Variants in ITPKB observed in about 807,000 individuals in gnomAD.
ITPKB encodes the protein IP3 3-kinase B.
A neutral mutation model predicts 69.4 loss-of-function variants in ITPKB; 13 were observed. The ratio of observed to expected loss-of-function variants is 0.19; its 90% confidence interval spans 0.12 to 0.30. The LOEUF is 0.30. ITPKB is among the 10% of genes least tolerant of loss of function. The pLI is 1.00. For missense variants in ITPKB, 1,240 were observed against 1,250.5 expected (o/e 0.99, Z 0.13); for synonymous variants, 584 against 513.7 (o/e 1.14, Z -1.85).
chr1:226,722,097 G>A (rs1657261493), intron 2 of ITPKB, among the ~76,000 whole-genome samples: 1 of 152,174 alleles, frequency 6.6e-6, no homozygotes, highest in Non-Finnish European at 1.5e-5. Flanking sequence ...ATAGTCATGA[G>A]CCACCGCACC....
At chr1:226,732,210 C>G (rs2102650790) in intron 2 of ITPKB, among the ~76,000 whole-genome samples, 1 of 151,256 alleles carries the variant, frequency 6.6e-6, no homozygotes, top group Non-Finnish European at 1.5e-5. Context: ...ATACACCCCA[C>G]AGGTAATTAG....
Position 226,647,624 on chromosome 1 carries a change from T to C in ITPKB, c.2033-244A>G, listed in dbSNP as rs548266923. Among the ~76,000 whole-genome samples the C allele has an allele frequency of 2.0e-5, 3 of 152,320 alleles. No homozygotes were observed. In the East Asian group the frequency reaches 5.8e-4, roughly 29 times the overall value. ...GACTCCAGACTCCTCCTCACCAGTG[T>C]TCCCTGCTGGAAGGGTACAGAGCTA... On this transcript the variant is annotated intron_variant, in intron 3 of 7. Coordinates refer to ENST00000429204, the MANE Select transcript of ITPKB (RefSeq NM_002221.4).
At chr1:226,651,120 G>A (rs578039041) in intron 2 of ITPKB, among the ~76,000 whole-genome samples, 11 of 152,298 alleles carry the variant, frequency 7.2e-5, no homozygotes, top group African/African-American at 2.4e-4. Flanking sequence ...GACAGCTGGG[G>A]GCCAGACTCA....
chr1:226,717,645 C>T (rs1324110611), intron 2 of ITPKB, among the ~76,000 whole-genome samples: 1 of 152,228 alleles, frequency 6.6e-6, no homozygotes, highest in African/African-American at 2.4e-5. Flanking sequence ...TAATACAGCA[C>T]CTGTGAGTCA....
chr1:226,734,856 A>G (rs1571882146), intron 2 of ITPKB, among the ~76,000 whole-genome samples: 1 of 152,250 alleles, frequency 6.6e-6, no homozygotes, highest in Non-Finnish European at 1.5e-5. Flanking sequence ...TGCCTATGAT[A>G]CTGAAGAAAC....
chr1:226,669,725 T>C (rs1275308565), intron 2 of ITPKB, among the ~76,000 whole-genome samples: 1 of 152,132 alleles, frequency 6.6e-6, no homozygotes, highest in Non-Finnish European at 1.5e-5. Flanking sequence ...AAGTTTTATA[T>C]ACAAAGAACT....
intron 2 of ITPKB, among the ~76,000 whole-genome samples, chr1:226,735,171 G>A (rs1024195810): frequency 4.6e-5 from 7 of 152,248 alleles, no homozygotes; most frequent in African/African-American, 1.4e-4. Flanking sequence ...ACTACACTCA[G>A]TAGCTCAGTT....
chr1:226,637,279 ACCTG>A lies in ITPKB; in HGVS notation c.2625+396_2625+399del, dbSNP rs1668859027. Among the ~76,000 whole-genome samples, 1 of 152,158 alleles carries A rather than the reference ACCTG, an allele frequency of 6.6e-6. No individual in the cohort carries two copies. Among genetic ancestry groups the A allele is most frequent in the South Asian group, 2.1e-4 (1 of 4,814 alleles). ...CCCTGCCCGAGAGTGGCACCTGAAGACCTGCCTGCCCTCCTCAGGGTCTCATCTG... is the reference window on the plus strand; with the variant it reads ...CCCTGCCCGAGAGTGGCACCTGAAGACCTGCCCTCCTCAGGGTCTCATCTG... On this transcript the variant is annotated intron_variant, in intron 7 of 7. Coordinates refer to ENST00000429204, the MANE Select transcript of ITPKB (RefSeq NM_002221.4). This position sits in a 1 kb window ranked among gnomAD's most constrained non-coding sequence, Gnocchi z 4.3.
At position 226,682,848 on chromosome 1, in the gene ITPKB, G is replaced by T. The variant is rs1440857165; in HGVS notation, c.1933-34077C>A. Among the ~76,000 whole-genome samples, 3 of 152,156 alleles carry T rather than the reference G, an allele frequency of 2.0e-5. No individual in the cohort carries two copies. The East Asian group carries it at 5.8e-4, about 29-fold the overall frequency. Reference sequence around the variant, plus strand: ...CTCCAGCCTTTGTTCTCCATCTCTAGTCCCTTTTTCTCTGCAAGTTGAGCC... The same window carrying T: ...CTCCAGCCTTTGTTCTCCATCTCTATTCCCTTTTTCTCTGCAAGTTGAGCC... On this transcript the variant is annotated intron_variant, in intron 2 of 7. Transcript: ENST00000429204.
intron 2 of ITPKB, among the ~76,000 whole-genome samples, chr1:226,734,823 C>T (rs1362669730): frequency 6.6e-6 from 1 of 152,174 alleles, no homozygotes; most frequent in African/African-American, 2.4e-5. Flanking sequence ...TAGGAGGTAC[C>T]TACTCCGGAG....
At chr1:226,646,780 C>T (rs1159897788) in intron 4 of ITPKB, among the ~76,000 whole-genome samples, 2 of 152,182 alleles carry the variant, frequency 1.3e-5, no homozygotes, top group Non-Finnish European at 2.9e-5. Context: ...CCCTGCAGCT[C>T]ACACAGCAGG....
rs368317645 is a variant in ITPKB, at chr1:226,736,841, C to A, written c.618G>T (p.Gly206=). The change falls in exon 2 of 8, where the codon GGG becomes GGT. Residue 206 remains glycine, a synonymous_variant. Coordinates refer to ENST00000429204, the MANE Select transcript of ITPKB (RefSeq NM_002221.4). ...TTCCTGAAGTCTCTGGACATTGCTC[C>A]CCCCAGGACTTTGTCCTCCGTTCCT... The part of the protein sequence containing the change: ...RSEERRTKSW[G]EQCPETSGTD... 3.7e-6 allele frequency: 6 copies of A among 1,612,402 alleles called. No homozygotes were observed. In the African/African-American group the frequency reaches 8.0e-5, roughly 22 times the overall value.
chr1:226,702,442 T>C (rs546560573), intron 2 of ITPKB, among the ~76,000 whole-genome samples: 2 of 150,552 alleles, frequency 1.3e-5, no homozygotes, highest in East Asian at 3.9e-4. Flanking sequence ...CGGCTACCCC[T>C]ATTTCATCAT....
chr1:226,725,745 G>A (rs549161670), intron 2 of ITPKB, among the ~76,000 whole-genome samples: 1 of 152,154 alleles, frequency 6.6e-6, no homozygotes, highest in African/African-American at 2.4e-5. Context: ...AACCACAGCC[G>A]GAGGAGGCTG....
chr1:226,737,556 C>G lies in ITPKB; in HGVS notation c.-98G>C, dbSNP rs921524161. The G allele has an allele frequency of 1.2e-5, 15 of 1,229,368 alleles. No individual in the cohort carries two copies. Among genetic ancestry groups the G allele is most frequent in the African/African-American group, 1.1e-4 (7 of 63,290 alleles). The allele number at this position is 1,229,368 out of a possible 1,614,324, so 76.2% of individuals were successfully genotyped here. On this transcript the variant is annotated 5_prime_UTR_variant, in exon 2 of 8. Coordinates refer to ENST00000429204, the MANE Select transcript of ITPKB (RefSeq NM_002221.4). The stretch of plus-strand genomic sequence containing the variant: ...CGCTCCCGGCTCAGCCCCGGAGGCC[C>G]GGCAGCCGCGGCTCCGCGCGCAGAT...
chr1:226,651,239 GCAGA>G (rs965625611), intron 2 of ITPKB, among the ~76,000 whole-genome samples: 8 of 152,230 alleles, frequency 5.3e-5, no homozygotes, highest in African/African-American at 1.9e-4. Context: ...CATGGGGGCT[GCAGA>G]CAGAGGGAGA....
rs1458066838 is a variant in ITPKB, at chr1:226,738,273, G to T, written c.-205-610C>A. 2.0e-5 allele frequency among the ~76,000 whole-genome samples: 3 copies of T among 152,222 alleles called. No homozygotes were observed. Among genetic ancestry groups the T allele is most frequent in the Admixed American group, 6.5e-5 (1 of 15,292 alleles). ...CCTTCCTGACCCTAGCCTTGGGGCT[G>T]TGTCTCTCGGCCTACGAAGGCCTGG... On this transcript the variant is annotated intron_variant, in intron 1 of 7. Transcript: ENST00000429204. The surrounding 1 kb of genome is among the most constrained non-coding windows in gnomAD (Gnocchi z 4.2).
At chr1:226,663,825 C>T (rs1284849512) in intron 2 of ITPKB, among the ~76,000 whole-genome samples, 15 of 152,190 alleles carry the variant, frequency 9.9e-5, no homozygotes, top group Non-Finnish European at 1.5e-4. Flanking sequence ...TGAGCCACCA[C>T]GTCCAGGTTA....
chr1:226,637,609 G>GGAAGGA lies in ITPKB; in HGVS notation c.2625+64_2625+69dup. The GGAAGGA allele has an allele frequency of 2.4e-6, 3 of 1,273,320 alleles. No individual in the cohort carries two copies. The highest frequency in any genetic ancestry group is 3.4e-6 in the Non-Finnish European group (3 of 877,160). The allele number at this position is 1,273,320 out of a possible 1,614,324, so 78.9% of individuals were successfully genotyped here. On this transcript the variant is annotated intron_variant, in intron 7 of 7. Transcript: ENST00000429204. This position sits in a 1 kb window ranked among gnomAD's most constrained non-coding sequence, Gnocchi z 4.3. ...AAAATGCCCGATGCCCCGGGCTTCT[G>GGAAGGA]GAAGGAGAAGGAGAAGGCCTGTTGG...
Sources: gnomAD v4.1 joint callset for allele counts (sites outside exome capture counted in the v4.1 genomes callset) on GRCh38, gnomAD v4.1.1 for gene constraint, Gnocchi (gnomAD v3.1) non-coding constraint, MANE v1.5 for transcripts, NCBI Gene and HGNC (gene_info 2026-07-23, HGNC 2026-07-21) for gene names.